Variants in RTTN observed in about 807,000 individuals in gnomAD.
RTTN encodes the protein rotatin.
In RTTN, 182 loss-of-function variants were observed where a neutral mutation model predicts 269.2. The ratio of observed to expected loss-of-function variants is 0.68; its 90% CI spans 0.60 to 0.76. The LOEUF is 0.76. RTTN is among the 30% of genes least tolerant of loss of function. The pLI is 0.00. For synonymous variants in RTTN, 1,006 were observed against 963.5 expected (o/e 1.04, Z -0.82); for missense variants, 2,545 against 2,608.6 (o/e 0.98, Z 0.53).
chr18:70,040,696 C>T (rs1427119977), intron 40 of RTTN, among the ~76,000 whole-genome samples: 1 of 152,176 alleles, frequency 6.6e-6, no homozygotes, highest in East Asian at 1.9e-4. Context: ...GCATATGGAT[C>T]ATTCTGTAGG....
At chr18:70,193,248 CG>C in intron 8 of RTTN, 39 bp downstream of exon 8, 1 of 1,538,650 alleles carries the variant, frequency 6.5e-7, no homozygotes, top group Non-Finnish European at 8.8e-7. Context: ...ACAAGTTAAC[CG>C]GCATTTCTCA....
At chr18:70,063,251 A>G (rs1188287105) in intron 35 of RTTN, among the ~76,000 whole-genome samples, 4 of 152,210 alleles carry the variant, frequency 2.6e-5, no homozygotes, top group Non-Finnish European at 5.9e-5. Flanking sequence ...CAGCCTCGCC[A>G]AAAGAATGTA....
At chr18:70,062,600 C>T (rs573583743) in intron 35 of RTTN, among the ~76,000 whole-genome samples, 2 of 143,112 alleles carry the variant, frequency 1.4e-5, no homozygotes, top group Admixed American at 7.9e-5. Context: ...TTGAAGATAT[C>T]CTCCCCTCTT....
chr18:70,042,717 A>G (rs1252978418), intron 40 of RTTN, among the ~76,000 whole-genome samples: 1 of 152,210 alleles, frequency 6.6e-6, no homozygotes, highest in African/African-American at 2.4e-5. Flanking sequence ...AATTAAAAAG[A>G]ACAGACTATG....
chr18:70,024,977 G>T, intron 43 of RTTN, 129 bp from the exon 44 acceptor site: 1 of 1,018,512 alleles, frequency 9.8e-7, no homozygotes, highest in Non-Finnish European at 1.4e-6. Context: ...TCAGCATCCT[G>T]CCCCAGCCCC....
intron 32 of RTTN, among the ~76,000 whole-genome samples, chr18:70,084,362 T>A (rs556575141): frequency 6.6e-6 from 1 of 152,226 alleles, no homozygotes. Flanking sequence ...AACATTTTGT[T>A]GAATAAGATT....
intron 12 of RTTN, 43 bp downstream of exon 12, chr18:70,168,812 T>C (rs188291564): frequency 1.4e-4 from 205 of 1,416,968 alleles, no homozygotes; most frequent in African/African-American, 1.2e-3. Flanking sequence ...ATTTTCAAAA[T>C]ATGTCAAAGG....
intron 40 of RTTN, among the ~76,000 whole-genome samples, chr18:70,038,950 T>C (rs1254036550): frequency 6.6e-6 from 1 of 152,138 alleles, no homozygotes; most frequent in Non-Finnish European, 1.5e-5. Context: ...GACAAATACA[T>C]CAGTCTCATA....
At chr18:70,075,274 A>T in intron 33 of RTTN, 78 bp downstream of exon 33, 1 of 1,051,890 alleles carries the variant, frequency 9.5e-7, no homozygotes, top group Non-Finnish European at 1.3e-6. Context: ...TCAAATTTTT[A>T]AAACAAATAT....
At position 70,100,694 on chromosome 18, in the gene RTTN, TATG is replaced by T. The variant is rs563906224; in HGVS notation, c.3904-7893_3904-7891del. 2.5e-4 allele frequency among the ~76,000 whole-genome samples: 38 copies of T among 152,316 alleles called. 1 individual carries two copies. The highest frequency in any genetic ancestry group is 7.2e-4 in the African/African-American group (30 of 41,560). On this transcript the variant is annotated intron_variant, in intron 28 of 48. Coordinates refer to ENST00000640769, the MANE Select transcript of RTTN (RefSeq NM_173630.4). ...ATGCTTCCAGTTTTTGCCCATTCAG[TATG>T]ATATTGGCTGTGGGTCTGTCATAAA...
At chr18:70,029,294 G>A (rs1012746941) in intron 42 of RTTN, among the ~76,000 whole-genome samples, 3 of 151,820 alleles carry the variant, frequency 2.0e-5, no homozygotes, top group East Asian at 1.9e-4. Flanking sequence ...CTGCTATAAC[G>A]GCCTTACCTA....
At chr18:70,138,272 T>G (rs1344798413) in intron 21 of RTTN, 1 of 152,148 alleles carries the variant, frequency 6.6e-6, no homozygotes. Context: ...AGAGTGAAAT[T>G]CTTTCTCAAT....
chr18:70,135,817 T>A (rs1371366631), intron 21 of RTTN, among the ~76,000 whole-genome samples: 1 of 152,166 alleles, frequency 6.6e-6, no homozygotes, highest in Non-Finnish European at 1.5e-5. Context: ...AAAAGGGAAG[T>A]GCTCTGAATG....
At chr18:70,033,544 A>ATTG (rs1480571322) in intron 40 of RTTN, among the ~76,000 whole-genome samples, 11 of 152,252 alleles carry the variant, frequency 7.2e-5, no homozygotes, top group African/African-American at 2.7e-4. Flanking sequence ...CAATGATAAC[A>ATTG]TACCAGAATC....
In RTTN at chr18:70,048,204, CA is replaced by C. The variant is rs781307467; in HGVS notation, c.5324-17del. ...CAGAACATATCTAAAGGAATAATTT[CA>C]GATGTGAATGTTTGAAAATTTCTTC... is the stretch of plus-strand genomic sequence containing the variant. On this transcript the variant is annotated splice_polypyrimidine_tract_variant and intron_variant, in intron 39 of 48. Coordinates refer to ENST00000640769, the MANE Select transcript of RTTN (RefSeq NM_173630.4). The C allele has an allele frequency of 5.7e-6, 9 of 1,591,008 alleles. No individual in the cohort carries two copies. In the South Asian group the frequency reaches 1.0e-4, roughly 18 times the overall value.
intron 46 of RTTN, among the ~76,000 whole-genome samples, chr18:70,015,833 G>GA (rs35380364): frequency 3.3e-5 from 5 of 151,538 alleles, no homozygotes; most frequent in African/African-American, 1.2e-4. Flanking sequence ...AGCCCTCAAA[G>GA]AAAAAAAAAA....
intron 38 of RTTN, among the ~76,000 whole-genome samples, chr18:70,052,036 T>C (rs2057685608): frequency 6.6e-6 from 1 of 152,158 alleles, no homozygotes; most frequent in Admixed American, 6.6e-5. Flanking sequence ...AAAAGTATCA[T>C]CCCACAAAGA....
intron 46 of RTTN, among the ~76,000 whole-genome samples, chr18:70,010,759 G>C (rs889711501): frequency 2.0e-5 from 3 of 152,140 alleles, no homozygotes; most frequent in Admixed American, 1.3e-4. Context: ...GAAGGAGAGA[G>C]AGACACGAAA....
At chr18:70,167,169 C>A in intron 12 of RTTN, 138 bp from the exon 13 acceptor site, 1 of 604,426 alleles carries the variant, frequency 1.7e-6, no homozygotes, top group South Asian at 2.1e-5. Context: ...TCCACTTTCT[C>A]ATCAAGCAAC....
Sources: gnomAD v4.1 joint callset for allele counts (sites outside exome capture counted in the v4.1 genomes callset) on GRCh38, gnomAD v4.1.1 for gene constraint, MANE v1.5 for transcripts, NCBI Gene and HGNC (gene_info 2026-07-23, HGNC 2026-07-21) for gene names.